GRID2: variants seen among roughly 807,000 people sequenced by gnomAD.
GRID2 encodes the protein glutamate receptor ionotropic, delta-2.
A neutral mutation model predicts 114.8 loss-of-function variants in GRID2; 33 were observed. That is an observed-to-expected ratio of 0.29 (90% CI 0.22 to 0.38). GRID2 has a LOEUF of 0.38. Ranked by LOEUF, GRID2 falls within the 10% of genes least tolerant of loss-of-function variation. GRID2 has a pLI of 1.00. For synonymous variants in GRID2, 505 were observed against 449.9 expected, an observed-to-expected ratio of 1.12 and a Z score of -1.55; for missense variants, 1,184 against 1,257.7, an observed-to-expected ratio of 0.94 and a Z score of 0.89.
chr4:92,875,885 T>A (rs968616866), intron 2 of GRID2, among the ~76,000 whole-genome samples: 1 of 152,140 alleles, frequency 6.6e-6, no homozygotes, highest in Non-Finnish European at 1.5e-5. Flanking sequence ...GTGTAAGGTG[T>A]TATGATGGAT....
At chr4:93,235,683 TA>T (rs1746699506) in intron 7 of GRID2, among the ~76,000 whole-genome samples, 1 of 152,072 alleles carries the variant, frequency 6.6e-6, no homozygotes, top group Non-Finnish European at 1.5e-5. Context: ...ATTAGGAATA[TA>T]GCATAAGGAA....
At chr4:92,529,044 T>C (rs1725183157) in intron 1 of GRID2, among the ~76,000 whole-genome samples, 1 of 152,124 alleles carries the variant, frequency 6.6e-6, no homozygotes, top group Admixed American at 6.6e-5. Context: ...AGATGAATTC[T>C]CTTGGGACGT....
intron 4 of GRID2, among the ~76,000 whole-genome samples, chr4:93,116,285 T>C (rs767084033): frequency 3.2e-4 from 48 of 152,288 alleles, no homozygotes; most frequent in Admixed American, 7.2e-4. Flanking sequence ...TACTTTTATA[T>C]TGAGTGTGTT....
chr4:92,529,014 A>G (rs1725181077), intron 1 of GRID2, among the ~76,000 whole-genome samples: 1 of 152,072 alleles, frequency 6.6e-6, no homozygotes, highest in South Asian at 2.1e-4. Context: ...GAAACTGCAA[A>G]AAGATAAAAA....
chr4:93,580,051 C>G (rs1047676930), intron 13 of GRID2, among the ~76,000 whole-genome samples: 2 of 152,138 alleles, frequency 1.3e-5, no homozygotes, highest in African/African-American at 2.4e-5. Flanking sequence ...TGTATTCTGC[C>G]TTTTCATTTT....
intron 2 of GRID2, among the ~76,000 whole-genome samples, chr4:93,054,392 AG>A (rs370193671): frequency 6.4e-4 from 98 of 151,954 alleles, no homozygotes; most frequent in African/African-American, 2.3e-3. Flanking sequence ...GTAGGAAATA[AG>A]TTTAAGGGAT....
chr4:92,430,952 T>G (rs1400160013), intron 1 of GRID2, among the ~76,000 whole-genome samples: 1 of 152,192 alleles, frequency 6.6e-6, no homozygotes, highest in African/African-American at 2.4e-5. Flanking sequence ...TATGTTGACT[T>G]TTTTGTCTTG....
intron 2 of GRID2, among the ~76,000 whole-genome samples, chr4:92,815,424 T>G (rs1421282028): frequency 6.6e-6 from 1 of 152,126 alleles, no homozygotes; most frequent in African/African-American, 2.4e-5. Flanking sequence ...GAAAGACAAA[T>G]GACAAGTCTT....
chr4:92,502,347 G>A (rs1356654280), intron 1 of GRID2, among the ~76,000 whole-genome samples: 1 of 151,590 alleles, frequency 6.6e-6, no homozygotes, highest in Non-Finnish European at 1.5e-5. Context: ...CAATTATTAG[G>A]GGCTAAATGC....
chr4:93,488,833 A>G (rs921634846), intron 11 of GRID2, among the ~76,000 whole-genome samples: 1 of 151,930 alleles, frequency 6.6e-6, no homozygotes, highest in Non-Finnish European at 1.5e-5. Flanking sequence ...ATGCATGTGC[A>G]TCCCTGGTGT....
At chr4:92,402,183 A>G (rs577056820) in intron 1 of GRID2, among the ~76,000 whole-genome samples, 1 of 152,200 alleles carries the variant, frequency 6.6e-6, no homozygotes, top group Admixed American at 6.5e-5. Flanking sequence ...TTCTCTTGCT[A>G]TTTACACCAA....
intron 10 of GRID2, among the ~76,000 whole-genome samples, chr4:93,436,040 C>T (rs1358227375): frequency 6.6e-6 from 1 of 152,164 alleles, no homozygotes; most frequent in Non-Finnish European, 1.5e-5. Context: ...ATAACCTGCT[C>T]ATGTATTCTA....
chr4:92,761,606 G>C (rs1394841279), intron 2 of GRID2, among the ~76,000 whole-genome samples: 1 of 152,104 alleles, frequency 6.6e-6, no homozygotes, highest in African/African-American at 2.4e-5. Flanking sequence ...CCTGACCCTG[G>C]TTCTGTGTCA....
intron 2 of GRID2, among the ~76,000 whole-genome samples, chr4:92,961,040 A>G (rs1197377397): frequency 1.3e-5 from 2 of 151,724 alleles, no homozygotes; most frequent in Non-Finnish European, 2.9e-5. Flanking sequence ...CCTTACAATA[A>G]CTCCCTAAAA....
At chr4:92,765,172 T>C (rs1738201122) in intron 2 of GRID2, among the ~76,000 whole-genome samples, 1 of 152,214 alleles carries the variant, frequency 6.6e-6, no homozygotes, top group South Asian at 2.1e-4. Context: ...TATTTTTTGG[T>C]ATTATGTTTC....
chr4:92,606,350 T>A (rs1729450562), intron 2 of GRID2, among the ~76,000 whole-genome samples: 1 of 152,004 alleles, frequency 6.6e-6, no homozygotes, highest in Non-Finnish European at 1.5e-5. Flanking sequence ...ATGAAGAAAA[T>A]GAGCAACAGC....
intron 13 of GRID2, among the ~76,000 whole-genome samples, chr4:93,522,848 A>C (rs1424514699): frequency 1.3e-5 from 2 of 152,190 alleles, no homozygotes; most frequent in Non-Finnish European, 2.9e-5. Context: ...GAAAAGACAA[A>C]ATCTTTGGAG....
chr4:93,741,854 G>T (rs527407034), intron 14 of GRID2, among the ~76,000 whole-genome samples: 1 of 150,826 alleles, frequency 6.6e-6, no homozygotes, highest in Non-Finnish European at 1.5e-5. Flanking sequence ...AACCCAGGAG[G>T]CAGAGCTTGC....
chr4:92,961,399 T>C (rs1752799601), intron 2 of GRID2, among the ~76,000 whole-genome samples: 1 of 151,184 alleles, frequency 6.6e-6, no homozygotes, highest in Admixed American at 6.6e-5. Context: ...TTTTTTGGTC[T>C]AAGAAAATTC....
Sources: allele counts gnomAD v4.1 joint callset (sites outside exome capture counted in the v4.1 genomes callset), GRCh38; gene constraint gnomAD v4.1.1; transcripts MANE v1.5; gene names NCBI Gene and HGNC (gene_info 2026-07-23, HGNC 2026-07-21).